The following CDK6 variants were observed in gnomAD, a reference collection of about 807,000 sequenced individuals.
CDK6 encodes the protein cyclin dependent kinase 6, also known as cyclin-dependent kinase 6.
CDK6 carries 6 observed loss-of-function variants against 37.1 expected under a neutral mutation model. The ratio of observed to expected loss-of-function variants is 0.16; its 90% CI spans 0.09 to 0.32. The LOEUF (loss-of-function observed/expected upper bound fraction) is 0.32. CDK6 is among the 10% of genes least tolerant of loss of function. The pLI is 1.00. For missense variants in CDK6, 224 were observed against 418.9 expected, an observed-to-expected ratio of 0.53 and a Z score of 4.06; for synonymous variants, 160 against 161.3, an observed-to-expected ratio of 0.99 and a Z score of 0.06.
chr7:92,810,449 G>A (rs542355820), intron 2 of CDK6, among the ~76,000 whole-genome samples: 20 of 152,314 alleles, frequency 1.3e-4, no homozygotes, highest in African/African-American at 4.3e-4. Flanking sequence ...AGTCATTTAC[G>A]TTGTCTGTTT....
intron 5 of CDK6, among the ~76,000 whole-genome samples, chr7:92,667,076 A>T (rs1026484482): frequency 2.7e-5 from 4 of 150,896 alleles, no homozygotes; most frequent in African/African-American, 9.8e-5. Context: ...GGTCTGGGCT[A>T]ATCTGTGTGT....
intron 2 of CDK6, among the ~76,000 whole-genome samples, chr7:92,814,854 C>T (rs1800985648): frequency 6.6e-6 from 1 of 151,876 alleles, no homozygotes; most frequent in Non-Finnish European, 1.5e-5. Context: ...AAGAAAATAT[C>T]TTCTATTTTT....
intron 4 of CDK6, among the ~76,000 whole-genome samples, chr7:92,713,352 G>GA (rs1798146408): frequency 6.6e-6 from 1 of 152,036 alleles, no homozygotes; most frequent in African/African-American, 2.4e-5. Context: ...GGCAGCTTTT[G>GA]AAAAACTTTG....
At chr7:92,688,954 G>A (rs545974657) in intron 4 of CDK6, among the ~76,000 whole-genome samples, 3 of 152,140 alleles carry the variant, frequency 2.0e-5, no homozygotes, top group Admixed American at 1.3e-4. Flanking sequence ...CTATTTTGGC[G>A]GAGGGAGGCT....
At chr7:92,617,233 C>G (rs1795701475) in intron 7 of CDK6, among the ~76,000 whole-genome samples, 1 of 152,078 alleles carries the variant, frequency 6.6e-6, no homozygotes, top group Admixed American at 6.5e-5. Context: ...GTACTTCTTC[C>G]AAGTATGGAC....
chr7:92,806,673 C>T (rs1334581566), intron 2 of CDK6, among the ~76,000 whole-genome samples: 1 of 152,066 alleles, frequency 6.6e-6, no homozygotes, highest in African/African-American at 2.4e-5. Context: ...ATATTAATGC[C>T]AACAATAAAA....
At chr7:92,704,618 A>G (rs1420187677) in intron 4 of CDK6, among the ~76,000 whole-genome samples, 1 of 152,126 alleles carries the variant, frequency 6.6e-6, no homozygotes, top group Non-Finnish European at 1.5e-5. Flanking sequence ...ATTCCCCTCA[A>G]TATTATTGCT....
chr7:92,789,382 T>C (rs543529412), intron 2 of CDK6, among the ~76,000 whole-genome samples: 52 of 152,298 alleles, frequency 3.4e-4, no homozygotes, highest in African/African-American at 1.1e-3. Context: ...GGTAACTAAC[T>C]ACATAGGTAA....
chr7:92,626,282 G>A (rs780505485), intron 5 of CDK6, among the ~76,000 whole-genome samples: 3 of 151,970 alleles, frequency 2.0e-5, no homozygotes, highest in Non-Finnish European at 4.4e-5. Context: ...TACATATAAT[G>A]TAAGTCATAT....
intron 2 of CDK6, among the ~76,000 whole-genome samples, chr7:92,819,441 T>C (rs549180820): frequency 1.3e-5 from 2 of 152,146 alleles, no homozygotes; most frequent in South Asian, 4.1e-4. Flanking sequence ...ATTTTAGATA[T>C]TGATTGTGGT....
chr7:92,652,141 A>C (rs1796589379), intron 5 of CDK6, among the ~76,000 whole-genome samples: 1 of 152,180 alleles, frequency 6.6e-6, no homozygotes, highest in Non-Finnish European at 1.5e-5. Flanking sequence ...TTTTGTATTA[A>C]TATAGATCAT....
intron 3 of CDK6, among the ~76,000 whole-genome samples, chr7:92,766,879 T>C (rs1459437007): frequency 6.6e-6 from 1 of 152,170 alleles, no homozygotes; most frequent in Non-Finnish European, 1.5e-5. Context: ...GCCTATTTAG[T>C]GAGTCATTAT....
At chr7:92,646,244 T>C (rs1172274602) in intron 5 of CDK6, among the ~76,000 whole-genome samples, 1 of 152,236 alleles carries the variant, frequency 6.6e-6, no homozygotes, top group East Asian at 1.9e-4. Flanking sequence ...GGTCTGATAC[T>C]GTTTGCTAAT....
rs954844944 is a variant in CDK6, at chr7:92,612,270, C to A, written c.*2870G>T. ...TTTCAAATCTGTCACAATATTTTAA[C>A]TTGCTATGAGCTGCTTCAGTGTAAC... On this transcript the variant is annotated 3_prime_UTR_variant, in exon 8 of 8. Transcript: ENST00000424848. The A allele has an allele frequency of 8.6e-6, 2 of 233,024 alleles. No individual in the cohort carries two copies. Among genetic ancestry groups the A allele is most frequent in the Non-Finnish European group, 1.7e-5 (2 of 117,966 alleles). 14.4% of individuals were successfully genotyped at this position (233,024 alleles called of 1,614,324 possible).
Position 92,611,918 on chromosome 7 carries a change from C to G in CDK6, c.*3222G>C, listed in dbSNP as rs920556373. On this transcript the variant is annotated 3_prime_UTR_variant, in exon 8 of 8. Transcript: ENST00000424848. Reference sequence around the variant, plus strand: ...AGAATACAGGGGGCTGAAATGGCCCCAAGCTTTCTTCCAAAACAGGTTCTT... The same window carrying G: ...AGAATACAGGGGGCTGAAATGGCCCGAAGCTTTCTTCCAAAACAGGTTCTT... 4.3e-6 allele frequency: 1 copy of G among 232,830 alleles called. No homozygotes were observed. Among genetic ancestry groups the G allele is most frequent in the Non-Finnish European group, 8.5e-6 (1 of 117,786 alleles). 14.4% of individuals were successfully genotyped at this position (232,830 alleles called of 1,614,324 possible). A position where few individuals can be genotyped will look rare whatever the true frequency, so the allele number is the denominator to read the frequency against.
chr7:92,748,489 A>C (rs1799112194), intron 3 of CDK6, among the ~76,000 whole-genome samples: 2 of 152,188 alleles, frequency 1.3e-5, no homozygotes, highest in South Asian at 4.1e-4. Context: ...CAAGAGAAGA[A>C]TCTCCATCCT....
At chr7:92,798,212 C>CA (rs1415343205) in intron 2 of CDK6, among the ~76,000 whole-genome samples, 1 of 152,068 alleles carries the variant, frequency 6.6e-6, no homozygotes, top group Non-Finnish European at 1.5e-5. Context: ...AAAACAGTGC[C>CA]AAAATCTTTG....
At chr7:92,801,262 T>C (rs916346226) in intron 2 of CDK6, among the ~76,000 whole-genome samples, 1 of 152,210 alleles carries the variant, frequency 6.6e-6, no homozygotes, top group African/African-American at 2.4e-5. Flanking sequence ...AGAACAACTT[T>C]TATTTATAAC....
chr7:92,673,873 G>T (rs1421132329), intron 4 of CDK6, among the ~76,000 whole-genome samples: 3 of 151,932 alleles, frequency 2.0e-5, no homozygotes, highest in African/African-American at 7.3e-5. Flanking sequence ...CGCCTCCCGG[G>T]TTCAAGCAAT....
Sources: allele counts gnomAD v4.1 joint callset (sites outside exome capture counted in the v4.1 genomes callset), GRCh38; gene constraint gnomAD v4.1.1; transcripts MANE v1.5; gene names NCBI Gene and HGNC (gene_info 2026-07-23, HGNC 2026-07-21).